PTS: variants seen among roughly 807,000 people sequenced by gnomAD.
PTS encodes the protein 6-pyruvoyltetrahydropterin synthase.
PTS carries 23 observed loss-of-function variants against 20.6 expected under a neutral mutation model. The ratio of observed to expected loss-of-function variants is 1.12; its 90% CI spans 0.80 to 1.58. The LOEUF is 1.58. Ranked by LOEUF, PTS falls within the 40% of genes most tolerant of loss-of-function variation. PTS has a pLI of 0.00. For synonymous variants in PTS, 65 were observed against 62.5 expected, an observed-to-expected ratio of 1.04 and a Z score of -0.19; for missense variants, 186 against 182.4, an observed-to-expected ratio of 1.02 and a Z score of -0.11.
chr11:112,229,892 C>T lies in PTS; in HGVS notation c.164-316C>T, dbSNP rs2518351. On this transcript the variant is annotated intron_variant, in intron 2 of 5. Coordinates refer to ENST00000280362, the MANE Select transcript of PTS (RefSeq NM_000317.3). Reference sequence around the variant, plus strand: ...CATTTTCTACTTCTACAGGCAGAGACTGAGCAGCATCTTGATGCTCCCTAG... The same window carrying T: ...CATTTTCTACTTCTACAGGCAGAGATTGAGCAGCATCTTGATGCTCCCTAG... Among the ~76,000 whole-genome samples the T allele has an allele frequency of 0.73, 111,462 of 152,130 alleles. 40,944 individuals are homozygous for T. The highest frequency in any genetic ancestry group is 0.8 in the South Asian group (3,867 of 4,820).
intron 2 of PTS, 29 bp downstream of exon 2, chr11:112,228,702 C>CTTATTGAAGGG: frequency 6.4e-7 from 1 of 1,572,088 alleles, no homozygotes; most frequent in Non-Finnish European, 8.7e-7. Flanking sequence ...ACATTTCAGC[C>CTTATTGAAGGG]CTTCAATAAG....
chr11:112,232,205 C>CT (rs1859947514), intron 4 of PTS, among the ~76,000 whole-genome samples: 1 of 152,082 alleles, frequency 6.6e-6, no homozygotes, highest in South Asian at 2.1e-4. Context: ...GATTATGCCA[C>CT]TTGCACTCCA....
At chr11:112,231,787 CA>C (rs1489786296) in intron 4 of PTS, among the ~76,000 whole-genome samples, 3 of 148,970 alleles carry the variant, frequency 2.0e-5, no homozygotes, top group African/African-American at 7.4e-5. Flanking sequence ...GAAGAAACAG[CA>C]CTATGCTCAA....
intron 1 of PTS, among the ~76,000 whole-genome samples, chr11:112,227,205 C>T (rs1859876411): frequency 6.6e-6 from 1 of 152,058 alleles, no homozygotes; most frequent in South Asian, 2.1e-4. Context: ...CACCCTCTGG[C>T]CCTCCGTATC....
At position 112,233,248 on chromosome 11, in the gene PTS, A is replaced by G; in HGVS notation, c.314+15A>G. 1.2e-6 allele frequency: 2 copies of G among 1,607,308 alleles called. No homozygotes were observed. The highest frequency in any genetic ancestry group is 1.7e-6 in the Non-Finnish European group (2 of 1,173,798). ...GATGTGGTGAGGTGGGTGGCACTGT[A>G]TCTTGCCTTATGTGGATTGTAAAAC... On this transcript the variant is annotated intron_variant, in intron 5 of 5. Coordinates refer to ENST00000280362, the MANE Select transcript of PTS (RefSeq NM_000317.3).
chr11:112,228,298 T>G, intron 1 of PTS: 1 of 424,784 alleles, frequency 2.4e-6, no homozygotes. Context: ...TAATGTTGAA[T>G]TGAAAAGTGG....
In PTS at chr11:112,230,160, C is replaced by G. The variant is rs991832713; in HGVS notation, c.164-48C>G. 3.8e-6 allele frequency: 6 copies of G among 1,566,654 alleles called. No individual in the cohort carries two copies. The Admixed American group carries it at 8.3e-5, about 22-fold the overall frequency. ...TGCTAACTTGTGCTTGGATGTTGATCTGTTGAAAGTCATGCTGTTTTTTTT... is the reference window on the plus strand; with the variant it reads ...TGCTAACTTGTGCTTGGATGTTGATGTGTTGAAAGTCATGCTGTTTTTTTT... On this transcript the variant is annotated intron_variant, in intron 2 of 5. Coordinates refer to ENST00000280362, the MANE Select transcript of PTS (RefSeq NM_000317.3).
In PTS at chr11:112,228,651, T is replaced by C. The variant is rs757205422; in HGVS notation, c.141T>C (p.Asn47=). Residue 47 remains asparagine, a synonymous_variant, in exon 2 of 6, where the codon AAT becomes AAC. Transcript: ENST00000280362. ...TGTTTGGGAAATGCAACAATCCAAA[T>C]GGCCATGGGCACAATTATAAAGGTG... ...LKLFGKCNNP[N]GHGHNYKVVV... 6.2e-7 allele frequency: 1 copy of C among 1,612,120 alleles called. No individual in the cohort carries two copies. Among genetic ancestry groups the C allele is most frequent in the Non-Finnish European group, 8.5e-7 (1 of 1,179,548 alleles).
rs745627441 is a variant in PTS, at chr11:112,230,218, A to G, written c.174A>G (p.Thr58=). ...GTTTTCTTTCCATAGTTGTGGTGAC[A>G]GTACATGGAGAGGTATGTGCAGAAA... ...GHGHNYKVVV[T]VHGEIDPATG... Residue 58 remains threonine, a synonymous_variant, in exon 3 of 6, where the codon ACA becomes ACG. Transcript: ENST00000280362. 2.6e-4 allele frequency: 421 copies of G among 1,613,536 alleles called. 1 individual carries two copies. The highest frequency in any genetic ancestry group is 3.5e-4 in the Non-Finnish European group (413 of 1,179,598).
chr11:112,227,532 C>G (rs1417734673), intron 1 of PTS, among the ~76,000 whole-genome samples: 1 of 152,064 alleles, frequency 6.6e-6, no homozygotes. Context: ...GTTCTGCAGG[C>G]TGTACAAGAA....
chr11:112,230,762 G>A, intron 4 of PTS, 80 bp downstream of exon 4: 2 of 1,206,462 alleles, frequency 1.7e-6, no homozygotes, highest in South Asian at 2.4e-5. Flanking sequence ...TCCCCAACCA[G>A]TTATCTCCTA....
In PTS at chr11:112,233,721, C is replaced by G; in HGVS notation, c.*166C>G. On this transcript the variant is annotated 3_prime_UTR_variant, in exon 6 of 6. Transcript: ENST00000280362. ...TGTAAGACCTGTTATAAATTTAAGT[C>G]TATTTAAAACTAAACTTGTAATATA... is the stretch of plus-strand genomic sequence containing the variant. The G allele has an allele frequency of 2.2e-6, 2 of 901,866 alleles. No individual in the cohort carries two copies. The highest frequency in any genetic ancestry group is 3.0e-6 in the Non-Finnish European group (2 of 659,102). The allele number at this position is 901,866 out of a possible 1,614,324, so 55.9% of individuals were successfully genotyped here. A position where few individuals can be genotyped will look rare whatever the true frequency, so the allele number is the denominator to read the frequency against.
chr11:112,230,371 C>T (rs1437231505), intron 3 of PTS, 141 bp downstream of exon 3: 20 of 1,090,188 alleles, frequency 1.8e-5, no homozygotes, highest in Non-Finnish European at 2.5e-5. Context: ...GGTGAGCTGC[C>T]GCCATTCCAG....
chr11:112,232,416 G>A (rs2135409956), intron 4 of PTS, among the ~76,000 whole-genome samples: 1 of 152,204 alleles, frequency 6.6e-6, no homozygotes, highest in Admixed American at 6.5e-5. Context: ...TACTCTTTTT[G>A]TATGATTCTA....
At chr11:112,232,758 C>T (rs1473875040) in intron 4 of PTS, among the ~76,000 whole-genome samples, 1 of 152,154 alleles carries the variant, frequency 6.6e-6, no homozygotes, top group Non-Finnish European at 1.5e-5. Flanking sequence ...ATGTAGTAGT[C>T]ACTGGATCTT....
chr11:112,227,175 T>TA lies in PTS; in HGVS notation c.83+650dup, dbSNP rs1168506864. Among the ~76,000 whole-genome samples the TA allele has an allele frequency of 2.6e-5, 4 of 152,182 alleles. No homozygotes were observed. In the East Asian group the frequency reaches 7.7e-4, roughly 29 times the overall value. On this transcript the variant is annotated intron_variant, in intron 1 of 5. Transcript: ENST00000280362. ...CTGACGAGTTGATTTTGAGGAATTT[T>TA]ACCACGCACTAACCAGCTCCACCCT...
chr11:112,228,748 A>T (rs1206116448), intron 2 of PTS, 75 bp downstream of exon 2: 2 of 1,347,678 alleles, frequency 1.5e-6, no homozygotes, highest in Non-Finnish European at 2.1e-6. Flanking sequence ...GACATAAAGA[A>T]TGGGAAAACT....
intron 4 of PTS, 22 bp downstream of exon 4, chr11:112,230,704 A>C (rs377567971): frequency 8.2e-6 from 13 of 1,579,640 alleles, no homozygotes; most frequent in Non-Finnish European, 9.6e-6. Context: ...TTGGGTGCTT[A>C]TTATGTGCTA....
Position 112,226,538 on chromosome 11 carries a change from A to C in PTS, c.83+12A>C, listed in dbSNP as rs775612634. The C allele has an allele frequency of 1.9e-6, 3 of 1,568,066 alleles. No individual in the cohort carries two copies. In the South Asian group the frequency reaches 3.5e-5, roughly 19 times the overall value. On this transcript the variant is annotated intron_variant, in intron 1 of 5. Coordinates refer to ENST00000280362, the MANE Select transcript of PTS (RefSeq NM_000317.3). Reference sequence around the variant, plus strand: ...CACCGATTGTACAGGTAGGGTGTGCACACAGGTACAGCGGCGGGCGGTGGG... The same window carrying C: ...CACCGATTGTACAGGTAGGGTGTGCCCACAGGTACAGCGGCGGGCGGTGGG...
Sources: gnomAD v4.1 joint callset for allele counts (sites outside exome capture counted in the v4.1 genomes callset) on GRCh38, gnomAD v4.1.1 for gene constraint, MANE v1.5 for transcripts, NCBI Gene and HGNC (gene_info 2026-07-23, HGNC 2026-07-21) for gene names.